Variants in RGPD6 observed in about 807,000 individuals in gnomAD.
The protein encoded by RGPD6 is RANBP2-like and GRIP domain-containing protein 5/6.
At chr2:110,604,974 C>T in the RGPD6 span, among the ~76,000 whole-genome samples, 126 of 147,430 alleles carry the variant, frequency 8.5e-4, 3 homozygotes, top group African/African-American at 2.9e-3. Context: ...TCATCTTCAT[C>T]GTCATCCAGA....
chr2:110,594,325 C>T, the RGPD6 span, among the ~76,000 whole-genome samples: 6 of 116,382 alleles, frequency 5.2e-5, 1 homozygote, highest in African/African-American at 2.3e-4. Context: ...TCATACTCAA[C>T]AGTGAATGAC....
the RGPD6 span, among the ~76,000 whole-genome samples, chr2:110,606,318 TATTGA>T: frequency 2.3e-5 from 3 of 130,780 alleles, no homozygotes; most frequent in African/African-American, 6.2e-5. Context: ...TGTGAATGCT[TATTGA>T]ATTGAACAGG....
the RGPD6 span, among the ~76,000 whole-genome samples, chr2:110,610,604 CCCCACGGCGGCCGGCCGCCCGGAG>C: frequency 6.3e-5 from 9 of 143,866 alleles, no homozygotes; most frequent in Non-Finnish European, 1.1e-4. Flanking sequence ...CCCACCCCAC[CCCCACGGCGGCCGGCCGCCCGGAG>C]CCCCCGGCCC....
the RGPD6 span, among the ~76,000 whole-genome samples, chr2:110,593,036 T>A: frequency 6.8e-6 from 1 of 147,744 alleles, no homozygotes; most frequent in Non-Finnish European, 1.5e-5. Context: ...AAAATCACCT[T>A]TGTTGAGATA....
At chr2:110,601,468 T>C in the RGPD6 span, among the ~76,000 whole-genome samples, 303 of 144,522 alleles carry the variant, frequency 2.1e-3, 1 homozygote, top group South Asian at 0.024. Context: ...TTTGTACTAT[T>C]TATTGATAGT....
At chr2:110,597,034 A>G in the RGPD6 span, among the ~76,000 whole-genome samples, 2 of 101,940 alleles carry the variant, frequency 2.0e-5, no homozygotes, top group Non-Finnish European at 3.8e-5. Flanking sequence ...GCTGGAATGC[A>G]ATGGCGCAAT....
chr2:110,610,030 C>T, the RGPD6 span, among the ~76,000 whole-genome samples: 1 of 145,786 alleles, frequency 6.9e-6, no homozygotes, highest in African/African-American at 2.7e-5. Flanking sequence ...AAGGGATACC[C>T]GGGGCGCCCG....
chr2:110,593,347 G>A, the RGPD6 span, among the ~76,000 whole-genome samples: 61 of 147,210 alleles, frequency 4.1e-4, 2 homozygotes, highest in East Asian at 5.7e-3. Flanking sequence ...GTACAGGTGT[G>A]GGTGTGTGTT....
At chr2:110,608,352 G>A in the RGPD6 span, among the ~76,000 whole-genome samples, 1 of 149,522 alleles carries the variant, frequency 6.7e-6, no homozygotes. Context: ...CTATAAAATG[G>A]AACTACTACC....
At chr2:110,604,861 G>A in the RGPD6 span, among the ~76,000 whole-genome samples, 3 of 148,042 alleles carry the variant, frequency 2.0e-5, no homozygotes, top group East Asian at 2.0e-4. Flanking sequence ...TAGTTAACAA[G>A]GACATTCTCC....
At chr2:110,608,432 CAG>C in the RGPD6 span, among the ~76,000 whole-genome samples, 2 of 151,298 alleles carry the variant, frequency 1.3e-5, no homozygotes, top group African/African-American at 4.9e-5. Flanking sequence ...ACTGGACACA[CAG>C]AAAGTTCTCA....
At chr2:110,600,734 G>A in the RGPD6 span, among the ~76,000 whole-genome samples, 1 of 67,418 alleles carries the variant, frequency 1.5e-5, no homozygotes, top group Non-Finnish European at 3.4e-5. Flanking sequence ...TTCACAATAG[G>A]GTTCATGCTT....
the RGPD6 span, among the ~76,000 whole-genome samples, chr2:110,604,764 G>GT: frequency 2.3e-4 from 34 of 145,882 alleles, no homozygotes; most frequent in Middle Eastern, 3.5e-3. Context: ...ATATTGAGAG[G>GT]TTTTTTTTTC....
At chr2:110,591,734 A>C in the RGPD6 span, among the ~76,000 whole-genome samples, 3 of 151,656 alleles carry the variant, frequency 2.0e-5, no homozygotes, top group Admixed American at 6.6e-5. Context: ...CTGAGCTCCC[A>C]AAATCCTAGA....
chr2:110,591,405 TGAA>T, the RGPD6 span, among the ~76,000 whole-genome samples: 1 of 151,390 alleles, frequency 6.6e-6, no homozygotes, highest in African/African-American at 2.4e-5. Flanking sequence ...AATTTGGAAT[TGAA>T]GAGTTAATTG....
the RGPD6 span, among the ~76,000 whole-genome samples, chr2:110,589,699 CAAG>C: frequency 7.0e-6 from 1 of 142,464 alleles, no homozygotes; most frequent in Admixed American, 6.9e-5. Flanking sequence ...TCCAGGCAGT[CAAG>C]AAGGGACTCC....
the RGPD6 span, among the ~76,000 whole-genome samples, chr2:110,605,168 G>A: frequency 2.6e-5 from 4 of 151,938 alleles, no homozygotes; most frequent in East Asian, 1.9e-4. Flanking sequence ...CCTCCACAGC[G>A]GATGCAACAC....
the RGPD6 span, among the ~76,000 whole-genome samples, chr2:110,604,575 C>T: frequency 6.6e-6 from 1 of 150,808 alleles, no homozygotes; most frequent in African/African-American, 2.5e-5. Context: ...ATGGATTTCA[C>T]TTTGAAATAA....
At chr2:110,608,702 AG>A in the RGPD6 span, among the ~76,000 whole-genome samples, 1 of 93,748 alleles carries the variant, frequency 1.1e-5, no homozygotes, top group Non-Finnish European at 2.1e-5. Flanking sequence ...ATTGTGATCA[AG>A]AAAGTCTACA....
Sources: allele counts gnomAD v4.1 joint callset (sites outside exome capture counted in the v4.1 genomes callset), GRCh38; gene constraint gnomAD v4.1.1; transcripts MANE v1.5; gene names NCBI Gene and HGNC (gene_info 2026-07-23, HGNC 2026-07-21).